The following GRID1 variants were observed in gnomAD, a reference collection of about 807,000 sequenced individuals.
GRID1 encodes glutamate ionotropic receptor delta type subunit 1.
Under a neutral mutation model 98.0 loss-of-function variants are expected in GRID1, and 28 were observed. The observed-to-expected ratio is 0.29, with a 90% CI of 0.21 to 0.39. GRID1 has a LOEUF of 0.39. GRID1 is among the 10% of genes least tolerant of loss of function. GRID1 has a pLI of 1.00. For synonymous variants in GRID1, 553 were observed against 538.5 expected (o/e 1.03, Z -0.37); for missense variants, 1,111 against 1,340.5 (o/e 0.83, Z 2.67).
chr10:85,837,953 GT>G (rs1177673434), intron 8 of GRID1, among the ~76,000 whole-genome samples: 1 of 152,146 alleles, frequency 6.6e-6, no homozygotes, highest in African/African-American at 2.4e-5. Context: ...AAAATAACCA[GT>G]TTACAGAAGA....
intron 4 of GRID1, among the ~76,000 whole-genome samples, chr10:86,021,318 T>C (rs552140041): frequency 2.0e-5 from 3 of 152,160 alleles, no homozygotes; most frequent in Non-Finnish European, 2.9e-5. Context: ...TTTATTATAA[T>C]ACTATAATGT....
intron 4 of GRID1, among the ~76,000 whole-genome samples, chr10:85,951,996 A>G (rs1367236980): frequency 6.6e-6 from 1 of 152,244 alleles, no homozygotes; most frequent in Admixed American, 6.5e-5. Flanking sequence ...CTCAATAAAT[A>G]AAGTGCTCAC....
intron 2 of GRID1, among the ~76,000 whole-genome samples, chr10:86,339,288 G>A (rs1232711770): frequency 6.6e-6 from 1 of 152,222 alleles, no homozygotes; most frequent in Non-Finnish European, 1.5e-5. Context: ...GGAGGAGGAG[G>A]AGGTATGGGG....
chr10:85,823,427 A>G (rs953141014), intron 8 of GRID1, among the ~76,000 whole-genome samples: 2 of 151,988 alleles, frequency 1.3e-5, no homozygotes, highest in East Asian at 1.9e-4. Context: ...TAAAATATAT[A>G]TAAACAAAAA....
At chr10:86,096,958 C>A (rs1338356261) in intron 4 of GRID1, among the ~76,000 whole-genome samples, 2 of 152,208 alleles carry the variant, frequency 1.3e-5, no homozygotes, top group Non-Finnish European at 2.9e-5. Context: ...ATTTTTGCTT[C>A]CTGTTACTGC....
rs188207284 is a variant in GRID1, at chr10:86,174,271, A to G, written c.520+32093T>C. Among the ~76,000 whole-genome samples, 21 of 152,234 alleles carry G rather than the reference A, an allele frequency of 1.4e-4. No homozygotes were observed. In the East Asian group the frequency reaches 3.9e-3, roughly 28 times the overall value. ...ACAAGGCTACAGTCACGAAAACAGC[A>G]TGGTACTGGTACCAAAACAGAGATA... On this transcript the variant is annotated intron_variant, in intron 3 of 15. Transcript: ENST00000327946.
chr10:86,053,793 C>T (rs1843536275), intron 4 of GRID1, among the ~76,000 whole-genome samples: 1 of 152,160 alleles, frequency 6.6e-6, no homozygotes, highest in Admixed American at 6.5e-5. Context: ...CACATGCTGG[C>T]CCCCATCCCT....
intron 3 of GRID1, among the ~76,000 whole-genome samples, chr10:86,140,290 C>G (rs1844993152): frequency 6.6e-6 from 1 of 152,252 alleles, no homozygotes; most frequent in African/African-American, 2.4e-5. Flanking sequence ...TGTCCCCATG[C>G]CCTGGGATGC....
intron 2 of GRID1, among the ~76,000 whole-genome samples, chr10:86,345,316 G>A (rs1181726783): frequency 6.6e-6 from 1 of 152,198 alleles, no homozygotes; most frequent in East Asian, 1.9e-4. Context: ...CAGGAACAGG[G>A]GACCCTGGGG....
At position 86,195,814 on chromosome 10, in the gene GRID1, C is replaced by T. The variant is rs1845863980; in HGVS notation, c.520+10550G>A. ...CTCCCAGAGCCTTCCACAGAAAATA[C>T]GGGGCAGGCAGCTGCCACCTGGATC... On this transcript the variant is annotated intron_variant, in intron 3 of 15. Coordinates refer to ENST00000327946, the MANE Select transcript of GRID1 (RefSeq NM_017551.3). This position sits in a 1 kb window ranked among gnomAD's most constrained non-coding sequence, Gnocchi z 4.4. Among the ~76,000 whole-genome samples, 1 of 152,002 alleles carries T rather than the reference C, an allele frequency of 6.6e-6. No homozygotes were observed. Among genetic ancestry groups the T allele is most frequent in the Non-Finnish European group, 1.5e-5 (1 of 67,980 alleles).
At chr10:86,086,638 G>C (rs1179410985) in intron 4 of GRID1, among the ~76,000 whole-genome samples, 1 of 152,162 alleles carries the variant, frequency 6.6e-6, no homozygotes, top group African/African-American at 2.4e-5. Context: ...GTGCAAGCAT[G>C]TGTGTGCATG....
At chr10:85,603,885 C>T (rs1842618138) in intron 15 of GRID1, among the ~76,000 whole-genome samples, 1 of 152,186 alleles carries the variant, frequency 6.6e-6, no homozygotes, top group Non-Finnish European at 1.5e-5. Flanking sequence ...CATCCCCTGT[C>T]CACCTTGCAG....
At chr10:86,086,881 A>G (rs1844067004) in intron 4 of GRID1, among the ~76,000 whole-genome samples, 2 of 152,190 alleles carry the variant, frequency 1.3e-5, no homozygotes, top group South Asian at 4.1e-4. Context: ...TCACAGCTGT[A>G]TGCCCAGGAC....
At chr10:86,276,605 C>T (rs758795182) in intron 2 of GRID1, among the ~76,000 whole-genome samples, 1 of 151,606 alleles carries the variant, frequency 6.6e-6, no homozygotes, top group Non-Finnish European at 1.5e-5. Context: ...TGGGTTCAAG[C>T]GATTCTCATG....
Position 85,930,026 on chromosome 10 carries a change from C to T in GRID1, c.727-13787G>A, listed in dbSNP as rs537405174. On this transcript the variant is annotated intron_variant, in intron 4 of 15. Transcript: ENST00000327946. The stretch of plus-strand genomic sequence containing the variant: ...TATTGACTCCATTATGGTTATGATA[C>T]TATTCACTACTAAGCCAAATAGTAG... Among the ~76,000 whole-genome samples, 13 of 152,272 alleles carry T rather than the reference C, an allele frequency of 8.5e-5. No individual in the cohort carries two copies. The East Asian group carries it at 2.5e-3, about 29-fold the overall frequency.
intron 12 of GRID1, among the ~76,000 whole-genome samples, chr10:85,708,201 G>A (rs939699210): frequency 6.6e-6 from 1 of 150,382 alleles, no homozygotes; most frequent in African/African-American, 2.4e-5. Context: ...TCAGGAGATC[G>A]AGACCAACCT....
chr10:85,865,954 TGGAGAGAG>T lies in GRID1; in HGVS notation c.951+3048_951+3055del, dbSNP rs1483407193. On this transcript the variant is annotated intron_variant, in intron 6 of 15. Coordinates refer to ENST00000327946, the MANE Select transcript of GRID1 (RefSeq NM_017551.3). ...ATATATATATATATACACATATATATGGAGAGAGAGAGAGAGAGAGAGAGAGAGAGAGA... is the reference window on the plus strand; with the variant it reads ...ATATATATATATATACACATATATATAGAGAGAGAGAGAGAGAGAGAGAGA... Among the ~76,000 whole-genome samples, 393 of 54,288 alleles carry T rather than the reference TGGAGAGAG, an allele frequency of 7.2e-3. 8 individuals carry two copies. Among genetic ancestry groups the T allele is most frequent in the Admixed American group, 0.015 (48 of 3,268 alleles). The allele number at this position is 54,288 out of a possible 152,430, so 35.6% of individuals were successfully genotyped here. A position where few individuals can be genotyped will look rare whatever the true frequency, so the allele number is the denominator to read the frequency against.
rs143221915 is a variant in GRID1 at position 85,963,916 on chromosome 10, T to C, written c.727-47677A>G. Among the ~76,000 whole-genome samples, 1,398 of 152,252 alleles carry C rather than the reference T, an allele frequency of 9.2e-3. 9 individuals are homozygous for C. Among genetic ancestry groups the C allele is most frequent in the Middle Eastern group, 0.054 (16 of 294 alleles). ...ATCTAACTGAAAGAGGATTTATACATGGCAGAGTAAGGACTTCCATAAATA... is the reference window on the plus strand; with the variant it reads ...ATCTAACTGAAAGAGGATTTATACACGGCAGAGTAAGGACTTCCATAAATA... On this transcript the variant is annotated intron_variant, in intron 4 of 15. Coordinates refer to ENST00000327946, the MANE Select transcript of GRID1 (RefSeq NM_017551.3).
intron 8 of GRID1, among the ~76,000 whole-genome samples, chr10:85,796,640 A>G (rs146410677): frequency 3.9e-5 from 6 of 152,278 alleles, no homozygotes; most frequent in African/African-American, 1.4e-4. Flanking sequence ...AAATCATGGT[A>G]GAAAAGCAAT....
Sources: gnomAD v4.1 joint callset for allele counts (sites outside exome capture counted in the v4.1 genomes callset) on GRCh38, gnomAD v4.1.1 for gene constraint, Gnocchi (gnomAD v3.1) non-coding constraint, MANE v1.5 for transcripts, NCBI Gene and HGNC (gene_info 2026-07-23, HGNC 2026-07-21) for gene names.